Variants in CDH18 observed in about 807,000 individuals in gnomAD.
The protein encoded by CDH18 is cadherin-18.
Under a neutral mutation model 67.9 loss-of-function variants are expected in CDH18, and 31 were observed. The ratio of observed to expected loss-of-function variants is 0.46; its 90% CI spans 0.34 to 0.62. The LOEUF is 0.62. CDH18 is among the 20% of genes least tolerant of loss of function. CDH18 has a pLI of 0.01. For missense variants in CDH18, 890 were observed against 975.5 expected (o/e 0.91, Z 1.17); for synonymous variants, 362 against 347.2 (o/e 1.04, Z -0.48).
chr5:19,888,111 G>T (rs1482518313), intron 2 of CDH18, among the ~76,000 whole-genome samples: 1 of 151,976 alleles, frequency 6.6e-6, no homozygotes, highest in African/African-American at 2.4e-5. Context: ...TTACCATGTT[G>T]CATTATAATT....
At chr5:19,930,021 G>A (rs1023966082) in intron 2 of CDH18, among the ~76,000 whole-genome samples, 1 of 151,946 alleles carries the variant, frequency 6.6e-6, no homozygotes, top group Non-Finnish European at 1.5e-5. Flanking sequence ...AGATAAGAAT[G>A]GCAGCTAACA....
intron 5 of CDH18, among the ~76,000 whole-genome samples, chr5:19,642,042 A>G (rs1754077860): frequency 6.6e-6 from 1 of 152,032 alleles, no homozygotes; most frequent in Non-Finnish European, 1.5e-5. Flanking sequence ...TTGCTATACA[A>G]AAACAATGAA....
intron 2 of CDH18, among the ~76,000 whole-genome samples, chr5:20,135,487 CTTT>C (rs1367050115): frequency 6.6e-6 from 1 of 151,846 alleles, no homozygotes; most frequent in Non-Finnish European, 1.5e-5. Context: ...CCTTTTTCTT[CTTT>C]ATTAGTCTTA....
intron 1 of CDH18, among the ~76,000 whole-genome samples, chr5:20,310,185 G>T (rs1471875958): frequency 6.6e-6 from 1 of 152,100 alleles, no homozygotes; most frequent in African/African-American, 2.4e-5. Context: ...GTTCTACGAG[G>T]TTTAACTCAT....
chr5:20,553,202 C>T (rs536202925), intron 1 of CDH18, among the ~76,000 whole-genome samples: 2 of 152,242 alleles, frequency 1.3e-5, no homozygotes, highest in South Asian at 4.1e-4. Context: ...GATTCCAATT[C>T]ATACGGTGAT....
chr5:20,384,277 A>G (rs186859136), intron 1 of CDH18, among the ~76,000 whole-genome samples: 198 of 152,252 alleles, frequency 1.3e-3, no homozygotes, highest in South Asian at 2.5e-3. Flanking sequence ...CCTGGAAACC[A>G]GCATTCTACT....
chr5:20,560,405 AT>A (rs1215290966), intron 1 of CDH18, among the ~76,000 whole-genome samples: 1 of 151,422 alleles, frequency 6.6e-6, no homozygotes, highest in Non-Finnish European at 1.5e-5. Context: ...ACAGTTAAGA[AT>A]TGAAAAAGTA....
At chr5:20,272,674 TA>T (rs1217418916) in intron 1 of CDH18, among the ~76,000 whole-genome samples, 4 of 152,074 alleles carry the variant, frequency 2.6e-5, no homozygotes, top group Non-Finnish European at 5.9e-5. Context: ...CATAACATAC[TA>T]ACAAATAGCA....
chr5:20,112,652 T>C (rs1159218351), intron 2 of CDH18, among the ~76,000 whole-genome samples: 2 of 152,150 alleles, frequency 1.3e-5, no homozygotes, highest in African/African-American at 4.8e-5. Flanking sequence ...AGGCAGAGGT[T>C]GCAGTGAGCT....
chr5:19,905,721 C>T (rs1020389660), intron 2 of CDH18, among the ~76,000 whole-genome samples: 5 of 151,748 alleles, frequency 3.3e-5, no homozygotes, highest in African/African-American at 4.8e-5. Flanking sequence ...GCATAGAGCA[C>T]GTGAGTCTCA....
At chr5:19,574,529 T>C (rs906962259) in intron 7 of CDH18, among the ~76,000 whole-genome samples, 1 of 152,138 alleles carries the variant, frequency 6.6e-6, no homozygotes, top group African/African-American at 2.4e-5. Context: ...AAAATTATAC[T>C]CATTTATTTA....
chr5:19,818,960 G>A (rs1299580119), intron 3 of CDH18, among the ~76,000 whole-genome samples: 1 of 151,946 alleles, frequency 6.6e-6, no homozygotes, highest in Non-Finnish European at 1.5e-5. Flanking sequence ...AGATCTATGA[G>A]ATATATCCCT....
chr5:20,269,200 A>G (rs928074155), intron 1 of CDH18, among the ~76,000 whole-genome samples: 1 of 152,178 alleles, frequency 6.6e-6, no homozygotes, highest in African/African-American at 2.4e-5. Context: ...TACCCCAATC[A>G]GAAGGGCTGT....
At chr5:19,817,998 T>C (rs1342717670) in intron 3 of CDH18, among the ~76,000 whole-genome samples, 3 of 152,130 alleles carry the variant, frequency 2.0e-5, no homozygotes, top group Non-Finnish European at 2.9e-5. Context: ...TATCACAAAA[T>C]ATTATTTTCT....
intron 3 of CDH18, among the ~76,000 whole-genome samples, chr5:19,814,196 T>A (rs188130464): frequency 6.6e-6 from 1 of 152,126 alleles, no homozygotes; most frequent in East Asian, 1.9e-4. Flanking sequence ...TATTTTATTA[T>A]TAAAGTAATA....
chr5:20,390,886 G>C (rs1744790206), intron 1 of CDH18, among the ~76,000 whole-genome samples: 1 of 151,860 alleles, frequency 6.6e-6, no homozygotes, highest in South Asian at 2.1e-4. Flanking sequence ...CTATCACAAG[G>C]ACAAAAAACC....
intron 2 of CDH18, among the ~76,000 whole-genome samples, chr5:19,866,175 C>T (rs1000867633): frequency 1.3e-5 from 2 of 152,178 alleles, no homozygotes; most frequent in African/African-American, 4.8e-5. Flanking sequence ...TTTCTCGCTA[C>T]AAAATGAAGC....
At chr5:20,275,265 T>C (rs1745721593) in intron 1 of CDH18, among the ~76,000 whole-genome samples, 1 of 151,980 alleles carries the variant, frequency 6.6e-6, no homozygotes, top group African/African-American at 2.4e-5. Flanking sequence ...GTTCTTGTGA[T>C]AGTGAGTGAG....
chr5:20,458,303 T>C (rs528084432), intron 1 of CDH18, among the ~76,000 whole-genome samples: 1 of 152,248 alleles, frequency 6.6e-6, no homozygotes, highest in South Asian at 2.1e-4. Flanking sequence ...CATACTTATA[T>C]ATGTAATACA....
Sources: gnomAD v4.1 joint callset for allele counts (sites outside exome capture counted in the v4.1 genomes callset) on GRCh38, gnomAD v4.1.1 for gene constraint, MANE v1.5 for transcripts, NCBI Gene and HGNC (gene_info 2026-07-23, HGNC 2026-07-21) for gene names.